Variants in SULF2 observed in about 807,000 individuals in gnomAD.
SULF2 encodes sulfatase 2, also known as extracellular sulfatase Sulf-2.
Under a neutral mutation model 107.7 loss-of-function variants are expected in SULF2, and 52 were observed. The observed-to-expected ratio is 0.48, with a 90% confidence interval of 0.39 to 0.61. SULF2 has a LOEUF of 0.61. Ranked by LOEUF, SULF2 falls within the 20% of genes least tolerant of loss-of-function variation. SULF2 has a pLI of 0.00. For missense variants in SULF2, 993 were observed against 1,177.3 expected (o/e 0.84, Z 2.29); for synonymous variants, 460 against 464.3 (o/e 0.99, Z 0.12).
chr20:47,678,692 C>A lies in SULF2; in HGVS notation c.1177G>T (p.Glu393Ter). 6.2e-7 allele frequency: 1 copy of A among 1,613,968 alleles called. No individual in the cohort carries two copies. The highest frequency in any genetic ancestry group is 1.1e-5 in the South Asian group (1 of 91,076). ...GKSILKLLDT[E>*]RPVNRFHLKK... is the part of the protein sequence containing the mutation. ...CGTCCTCACCGATTCACCGGCCGCTCCGTGTCCAGCAGCTTGAGGATGGAT... is the reference window on the plus strand; with the variant it reads ...CGTCCTCACCGATTCACCGGCCGCTACGTGTCCAGCAGCTTGAGGATGGAT... The change falls in exon 8 of 21, where the codon GAG becomes TAG. Residue 393 changes from glutamate (E) to a stop codon, truncating the protein, a stop_gained. Transcript: ENST00000688720. LOFTEE classifies it high-confidence loss of function. This position sits in a 1 kb window ranked among gnomAD's most constrained non-coding sequence, Gnocchi z 4.5.
intron 20 of SULF2, 59 bp downstream of exon 20, chr20:47,659,340 T>C (rs2086992570): frequency 8.1e-6 from 12 of 1,490,564 alleles, no homozygotes; most frequent in South Asian, 2.3e-5. Flanking sequence ...TAGAATAGCA[T>C]TGGCAAAATG....
chr20:47,753,433 C>G (rs914694048), intron 2 of SULF2, among the ~76,000 whole-genome samples: 2 of 152,240 alleles, frequency 1.3e-5, no homozygotes, highest in South Asian at 4.1e-4. Context: ...GCAGGTGCTA[C>G]TTCACCTTTA....
intron 2 of SULF2, among the ~76,000 whole-genome samples, chr20:47,749,578 A>G (rs1600643944): frequency 6.6e-6 from 1 of 152,250 alleles, no homozygotes; most frequent in African/African-American, 2.4e-5. Context: ...GCTTCCAGCC[A>G]TCTGGCCCCT....
At position 47,745,401 on chromosome 20, in the gene SULF2, AAAAAAAAAAATATATATATATAT is replaced by A. The variant is rs1440910598; in HGVS notation, c.176-8482_176-8460del. ...TTGAGGGAAAAAAAAAAAAAAAAAA[AAAAAAAAAAATATATATATATAT>A]ATATATATATATATATATATATATA... On this transcript the variant is annotated intron_variant, in intron 2 of 20. Transcript: ENST00000688720. 3.6e-4 allele frequency among the ~76,000 whole-genome samples: 14 copies of A among 38,766 alleles called. 1 individual carries two copies. In the South Asian group the frequency reaches 5.3e-3, roughly 15 times the overall value. 25.4% of individuals were successfully genotyped at this position (38,766 alleles called of 152,430 possible). A position where few individuals can be genotyped will look rare whatever the true frequency, so the allele number is the denominator to read the frequency against.
At chr20:47,762,960 C>A (rs558660336) in intron 1 of SULF2, among the ~76,000 whole-genome samples, 1 of 152,372 alleles carries the variant, frequency 6.6e-6, no homozygotes, top group Admixed American at 6.5e-5. Context: ...CTGGCTCAGA[C>A]TTCTCGTGGC....
In SULF2 at chr20:47,680,531, C is replaced by T. The variant is rs2087789890; in HGVS notation, c.1065-1727G>A. On this transcript the variant is annotated intron_variant, in intron 7 of 20. Transcript: ENST00000688720. This position sits in a 1 kb window ranked among gnomAD's most constrained non-coding sequence, Gnocchi z 4.2. ...CATCTGAGTGCCTTCCCCGCTAGTT[C>T]CCTGGGGACCAGGGCAGGGCCTGGG... Among the ~76,000 whole-genome samples the T allele has an allele frequency of 6.6e-6, 1 of 152,234 alleles. No homozygotes were observed. Among genetic ancestry groups the T allele is most frequent in the East Asian group, 1.9e-4 (1 of 5,200 alleles).
At chr20:47,741,500 C>T (rs370889659) in intron 2 of SULF2, among the ~76,000 whole-genome samples, 3 of 152,220 alleles carry the variant, frequency 2.0e-5, no homozygotes, top group Non-Finnish European at 4.4e-5. Context: ...CAACCCTGCA[C>T]TCATCATCTA....
intron 1 of SULF2, among the ~76,000 whole-genome samples, chr20:47,769,360 T>C (rs1241227173): frequency 1.7e-5 from 1 of 60,344 alleles, no homozygotes; most frequent in Non-Finnish European, 3.3e-5. Context: ...AATTTTTGTA[T>C]TTTTTTTTTT....
In SULF2 at chr20:47,748,141, T is replaced by A. The variant is rs1435933455; in HGVS notation, c.175+9048A>T. On this transcript the variant is annotated intron_variant, in intron 2 of 20. Coordinates refer to ENST00000688720, the MANE Select transcript of SULF2 (RefSeq NM_001387048.1). ...CAAATCCAGACCCTGCTGCATGGCC[T>A]GCTGGGGACCACCAGGTCTCCCCTG... 2.0e-5 allele frequency among the ~76,000 whole-genome samples: 3 copies of A among 152,338 alleles called. No homozygotes were observed. The East Asian group carries it at 5.8e-4, about 29-fold the overall frequency.
In SULF2 at chr20:47,694,477, AT is replaced by A. The variant is rs1176441260; in HGVS notation, c.568-4183del. On this transcript the variant is annotated intron_variant, in intron 4 of 20. Coordinates refer to ENST00000688720, the MANE Select transcript of SULF2 (RefSeq NM_001387048.1). This position sits in a 1 kb window ranked among gnomAD's most constrained non-coding sequence, Gnocchi z 4.4. ...TCAGACCTGTGAGCAGGAGGGTGAG[AT>A]GGGTGGAGGTCCACAGGCCCAGGTG... 6.6e-6 allele frequency among the ~76,000 whole-genome samples: 1 copy of A among 152,178 alleles called. No homozygotes were observed. Among genetic ancestry groups the A allele is most frequent in the Non-Finnish European group, 1.5e-5 (1 of 68,018 alleles).
chr20:47,713,469 A>C (rs2089001001), intron 3 of SULF2, among the ~76,000 whole-genome samples: 1 of 152,206 alleles, frequency 6.6e-6, no homozygotes, highest in African/African-American at 2.4e-5. Flanking sequence ...TGTGGCTTTA[A>C]AGAGCTTGGT....
At chr20:47,704,391 T>C (rs572873819) in intron 3 of SULF2, among the ~76,000 whole-genome samples, 1 of 151,970 alleles carries the variant, frequency 6.6e-6, no homozygotes, top group Admixed American at 6.6e-5. Context: ...TCCCACCTCA[T>C]CCTCCCGAGT....
chr20:47,684,319 G>A, intron 6 of SULF2, 112 bp downstream of exon 6: 1 of 1,231,496 alleles, frequency 8.1e-7, no homozygotes, highest in Non-Finnish European at 1.1e-6. Flanking sequence ...TCTTCATTCT[G>A]CCTTTGATTT....
intron 3 of SULF2, among the ~76,000 whole-genome samples, chr20:47,730,759 CT>C (rs1003165996): frequency 6.6e-6 from 1 of 151,500 alleles, no homozygotes; most frequent in Non-Finnish European, 1.5e-5. Flanking sequence ...GCTGATGTTA[CT>C]TTTTTTTTGT....
intron 1 of SULF2, among the ~76,000 whole-genome samples, chr20:47,776,635 C>A (rs770459153): frequency 6.6e-6 from 1 of 152,138 alleles, no homozygotes; most frequent in South Asian, 2.1e-4. Flanking sequence ...ACCCAAGAGC[C>A]CTCATTAGAA....
At chr20:47,770,051 TAG>T (rs2090600504) in intron 1 of SULF2, among the ~76,000 whole-genome samples, 2 of 124,170 alleles carry the variant, frequency 1.6e-5, no homozygotes, top group South Asian at 2.7e-4. Flanking sequence ...TGATCTGGTG[TAG>T]TTTTTTTTTT....
chr20:47,750,364 TCTCAA>T (rs1385559197), intron 2 of SULF2, among the ~76,000 whole-genome samples: 1 of 152,204 alleles, frequency 6.6e-6, no homozygotes. Context: ...TTGGAGTCAT[TCTCAA>T]CTCTTCTTTA....
At chr20:47,671,786 G>A (rs968152483) in intron 11 of SULF2, among the ~76,000 whole-genome samples, 1 of 152,042 alleles carries the variant, frequency 6.6e-6, no homozygotes, top group South Asian at 2.1e-4. Context: ...ACAATCTCGG[G>A]TCACTGCAGC....
At chr20:47,702,097 A>C (rs2088589071) in intron 4 of SULF2, among the ~76,000 whole-genome samples, 2 of 152,196 alleles carry the variant, frequency 1.3e-5, no homozygotes, top group African/African-American at 4.8e-5. Context: ...TTGCTCCGTC[A>C]CCTAGGCCGA....
Sources: gnomAD v4.1 joint callset for allele counts (sites outside exome capture counted in the v4.1 genomes callset) on GRCh38, gnomAD v4.1.1 for gene constraint, Gnocchi (gnomAD v3.1) non-coding constraint, MANE v1.5 for transcripts, NCBI Gene and HGNC (gene_info 2026-07-23, HGNC 2026-07-21) for gene names.